The following MDN1 variants were observed in gnomAD, a reference collection of about 807,000 sequenced individuals.
The protein encoded by MDN1 is midasin.
Under a neutral mutation model 669.2 loss-of-function variants are expected in MDN1, and 266 were observed. The ratio of observed to expected loss-of-function variants is 0.40; its 90% CI spans 0.36 to 0.44. The LOEUF is 0.44. MDN1 is among the 20% of genes least tolerant of loss of function. The pLI is 1.00. For synonymous variants in MDN1, 2,385 were observed against 2,457.1 expected (o/e 0.97, Z 0.87); for missense variants, 5,940 against 6,754.0 (o/e 0.88, Z 4.22).
At chr6:89,792,554 A>C (rs1819334285) in intron 5 of MDN1, among the ~76,000 whole-genome samples, 1 of 152,152 alleles carries the variant, frequency 6.6e-6, no homozygotes, top group Admixed American at 6.6e-5. Context: ...TCACAACTAG[A>C]AAAAAACACA....
intron 24 of MDN1, 41 bp from the exon 25 acceptor site, chr6:89,749,792 T>C (rs770187546): frequency 2.1e-6 from 3 of 1,449,532 alleles, no homozygotes; most frequent in South Asian, 2.3e-5. Context: ...TATAAATCAG[T>C]ACAAAGTTTT....
chr6:89,690,393 G>A (rs545312739), intron 64 of MDN1, among the ~76,000 whole-genome samples: 25 of 152,178 alleles, frequency 1.6e-4, no homozygotes, highest in Non-Finnish European at 2.5e-4. Context: ...GTGACATAGT[G>A]AGACCCTGTC....
chr6:89,739,482 A>G (rs766569783), intron 32 of MDN1, among the ~76,000 whole-genome samples: 7 of 152,178 alleles, frequency 4.6e-5, no homozygotes, highest in Non-Finnish European at 1.0e-4. Flanking sequence ...ATATCATTTC[A>G]GCTACCCACC....
At chr6:89,661,404 C>T (rs201894280) in intron 88 of MDN1, 27 bp downstream of exon 88, 67 of 1,604,138 alleles carry the variant, frequency 4.2e-5, no homozygotes, top group East Asian at 3.1e-4. Context: ...GAGTTCTAAC[C>T]GGTCTCTTTG....
chr6:89,803,270 G>C, intron 2 of MDN1, 58 bp downstream of exon 2: 1 of 1,443,416 alleles, frequency 6.9e-7, no homozygotes, highest in South Asian at 1.1e-5. Context: ...TTACATCCCA[G>C]GAGACAGCAG....
rs139627916 is a variant in MDN1, at chr6:89,658,681, C to T, written c.14950G>A (p.Glu4984Lys). The T allele has an allele frequency of 1.2e-6, 2 of 1,614,114 alleles. No individual in the cohort carries two copies. The highest frequency in any genetic ancestry group is 8.5e-7 in the Non-Finnish European group (1 of 1,179,948). Reference protein sequence around the residue: ...EHSEEQQQSVEEKDKEADEEG... With the variant: ...EHSEEQQQSVKEKDKEADEEG... ...TCATCGGCTTCCTTGTCTTTTTCCT[C>T]CACAGACTGCTGCTGCTCCTCAGAG... The change falls in exon 89 of 102, where the codon GAG becomes AAG. Residue 4984 changes from glutamate (E) to lysine (K), a missense_variant. By Grantham distance (56) the Glu-to-Lys change is moderately conservative. Coordinates refer to ENST00000369393, the MANE Select transcript of MDN1 (RefSeq NM_014611.3).
intron 100 of MDN1, among the ~76,000 whole-genome samples, 165 bp from the exon 101 acceptor site, chr6:89,645,322 G>T (rs938539103): frequency 3.3e-5 from 5 of 152,160 alleles, no homozygotes; most frequent in Non-Finnish European, 5.9e-5. Flanking sequence ...AGGGACCTCT[G>T]ATGAGATCTA....
chr6:89,714,814 C>T (rs924898826), intron 45 of MDN1, 63 bp from the exon 46 acceptor site: 2 of 1,394,982 alleles, frequency 1.4e-6, no homozygotes, highest in Non-Finnish European at 2.0e-6. Context: ...AAAGGTGTAG[C>T]TCAGCATCAG....
chr6:89,648,624 T>G (rs140466348), intron 97 of MDN1, among the ~76,000 whole-genome samples: 84 of 151,956 alleles, frequency 5.5e-4, no homozygotes, highest in African/African-American at 2.0e-3. Flanking sequence ...TCCCAGCACT[T>G]TGGGAGGCCA....
intron 78 of MDN1, among the ~76,000 whole-genome samples, chr6:89,674,902 A>G (rs1018307073): frequency 6.6e-6 from 1 of 152,234 alleles, no homozygotes; most frequent in Non-Finnish European, 1.5e-5. Context: ...ACCTGAAGCT[A>G]AAGTGAATAG....
At chr6:89,757,185 A>T (rs1817296584) in intron 19 of MDN1, among the ~76,000 whole-genome samples, 1 of 152,192 alleles carries the variant, frequency 6.6e-6, no homozygotes, top group African/African-American at 2.4e-5. Flanking sequence ...TACCAACAAT[A>T]AATCTGGTCA....
chr6:89,781,617 A>T (rs1165395236), intron 9 of MDN1, 25 bp from the exon 10 acceptor site: 1 of 1,525,878 alleles, frequency 6.6e-7, no homozygotes, highest in East Asian at 2.3e-5. Context: ...AAAAAAAGAA[A>T]ATTTAACAGC....
intron 52 of MDN1, among the ~76,000 whole-genome samples, chr6:89,706,900 T>C (rs968436032): frequency 6.6e-6 from 1 of 152,110 alleles, no homozygotes; most frequent in East Asian, 1.9e-4. Flanking sequence ...TTTTATACTT[T>C]AATAGTTTGA....
At chr6:89,679,528 A>C (rs1462105387) in intron 74 of MDN1, among the ~76,000 whole-genome samples, 1 of 152,194 alleles carries the variant, frequency 6.6e-6, no homozygotes, top group Non-Finnish European at 1.5e-5. Context: ...AGAGGTAATG[A>C]AGGTGAAATG....
chr6:89,658,808 A>G lies in MDN1; in HGVS notation c.14823T>C (p.Pro4941=), dbSNP rs759068465. ...TGTCATCTTCACTGGGGCCTTCCTC[A>G]GGCTCCTGTGGACTCTGACTTTCGT... ...DQNESQSPQE[P]EEGPSEDDKA... Residue 4941 remains proline, a synonymous_variant, in exon 89 of 102, where the codon CCT becomes CCC. Coordinates refer to ENST00000369393, the MANE Select transcript of MDN1 (RefSeq NM_014611.3). The G allele has an allele frequency of 2.0e-5, 32 of 1,613,960 alleles. 1 individual carries two copies. The South Asian group carries it at 3.4e-4, about 17-fold the overall frequency.
chr6:89,761,747 C>A lies in MDN1; in HGVS notation c.2358G>T (p.Gly786=), dbSNP rs137875343. The A allele has an allele frequency of 1.1e-4, 168 of 1,593,690 alleles. No homozygotes were observed. Among genetic ancestry groups the A allele is most frequent in the Non-Finnish European group, 1.4e-4 (160 of 1,165,604 alleles). Reference sequence around the variant, plus strand: ...CTTCCCATTTCTCTTTTATGAGTAACCCTAAAAAAGAAAGACAAGAATTCA... The same window carrying A: ...CTTCCCATTTCTCTTTTATGAGTAAACCTAAAAAAGAAAGACAAGAATTCA... ...VNKDGKDSET[G]LLIKEKWEAF... Residue 786 remains glycine, a splice_region_variant and synonymous_variant, in exon 17 of 102, where the codon GGG becomes GGT. Transcript: ENST00000369393.
chr6:89,664,005 G>T (rs920594843), intron 85 of MDN1, among the ~76,000 whole-genome samples: 30 of 152,048 alleles, frequency 2.0e-4, no homozygotes, highest in African/African-American at 7.2e-4. Context: ...TTTCTGTGTG[G>T]GTATACATGC....
At chr6:89,691,430 G>A (rs1421022444) in intron 63 of MDN1, among the ~76,000 whole-genome samples, 1 of 152,232 alleles carries the variant, frequency 6.6e-6, no homozygotes, top group East Asian at 1.9e-4. Context: ...TAATTTGCAT[G>A]TAAAGCCTAA....
At chr6:89,714,139 C>A (rs1814161899) in intron 46 of MDN1, among the ~76,000 whole-genome samples, 1 of 152,000 alleles carries the variant, frequency 6.6e-6, no homozygotes, top group Admixed American at 6.5e-5. Flanking sequence ...TATCTTGTTC[C>A]TTTTTGTGTA....
Sources: allele counts gnomAD v4.1 joint callset (sites outside exome capture counted in the v4.1 genomes callset), GRCh38; gene constraint gnomAD v4.1.1; transcripts MANE v1.5; gene names NCBI Gene and HGNC (gene_info 2026-07-23, HGNC 2026-07-21).